Variants in AIFM1 observed in about 807,000 individuals in gnomAD.
The protein encoded by AIFM1 is apoptosis-inducing factor 1, mitochondrial.
AIFM1 carries 3 observed loss-of-function variants against 51.7 expected under a neutral mutation model. The ratio of observed to expected loss-of-function variants is 0.06; its 90% CI spans 0.03 to 0.15. The LOEUF (loss-of-function observed/expected upper bound fraction) is 0.15, where lower values mean the gene tolerates loss of function less well. AIFM1 is among the 10% of genes least tolerant of loss of function. AIFM1 has a pLI of 1.00. For missense variants in AIFM1, 330 were observed against 476.8 expected (o/e 0.69, Z 2.87); for synonymous variants, 178 against 179.4 (o/e 0.99, Z 0.06).
chrX:130,136,940 GC>G, intron 10 of AIFM1, 137 bp downstream of exon 10: 1 of 1,146,474 alleles, frequency 8.7e-7, no homozygotes, highest in Non-Finnish European at 1.2e-6. Flanking sequence ...GATGAACTTA[GC>G]TGACTGGAGA....
intron 14 of AIFM1, 149 bp from the exon 15 acceptor site, chrX:130,130,315 A>C: frequency 1.6e-6 from 1 of 643,055 alleles, no homozygotes; most frequent in African/African-American, 2.2e-5. Context: ...CCCTCAGTAA[A>C]CCCTGGCCTT....
At position 130,153,175 on chromosome X, in the gene AIFM1, A is replaced by C. The variant is rs5975173; in HGVS notation, c.249+3286T>G. On this transcript the variant is annotated intron_variant, in intron 2 of 15. Coordinates refer to ENST00000287295, the MANE Select transcript of AIFM1 (RefSeq NM_004208.4). ...CAGTGAAACCCCGTCTCTACTAAAA[A>C]TACAAAAAAAAAAAAAAAAAAAAAA... Among the ~76,000 whole-genome samples, 7 of 82,918 alleles carry C rather than the reference A, an allele frequency of 8.4e-5. No homozygotes were observed. In the East Asian group the frequency reaches 2.3e-3, roughly 27 times the overall value. 72.0% of individuals were successfully genotyped at this position (82,918 alleles called of 115,157 possible). A position where few individuals can be genotyped will look rare whatever the true frequency, so the allele number is the denominator to read the frequency against.
intron 2 of AIFM1, among the ~76,000 whole-genome samples, chrX:130,150,359 G>T (rs1270798954): frequency 1.4e-5 from 1 of 73,696 alleles, no homozygotes; most frequent in Non-Finnish European, 2.4e-5. Context: ...TTTTTGAGAC[G>T]GAGTCTCGCT....
chrX:130,136,244 CG>C, intron 11 of AIFM1, 59 bp from the exon 12 acceptor site: 1 of 1,156,669 alleles, frequency 8.6e-7, no homozygotes. Context: ...TGCCTACAGG[CG>C]TAACAATGGC....
chrX:130,149,584 T>C lies in AIFM1; in HGVS notation c.250-16A>G, dbSNP rs747132634. On this transcript the variant is annotated splice_polypyrimidine_tract_variant and intron_variant, in intron 2 of 15. Coordinates refer to ENST00000287295, the MANE Select transcript of AIFM1 (RefSeq NM_004208.4). ...TCTTGTAGGCCTGCGGATCCAAACA[T>C]GGAGAAAGTTTATTTCACCATACAG... The C allele has an allele frequency of 4.5e-6, 5 of 1,110,749 alleles. No homozygotes were observed. Among genetic ancestry groups the C allele is most frequent in the South Asian group, 1.8e-5 (1 of 54,552 alleles). 91.5% of individuals were successfully genotyped at this position (1,110,749 alleles called of 1,213,427 possible). A position where few individuals can be genotyped will look rare whatever the true frequency, so the allele number is the denominator to read the frequency against.
chrX:130,153,141 T>C (rs1268963007), intron 2 of AIFM1, among the ~76,000 whole-genome samples: 2 of 94,388 alleles, frequency 2.1e-5, no homozygotes, highest in African/African-American at 4.0e-5. Context: ...GAGACCATTC[T>C]GGCTAACACA....
chrX:130,158,704 TAAAAAAAAAA>T (rs56253125), intron 1 of AIFM1, among the ~76,000 whole-genome samples: 6 of 44,066 alleles, frequency 1.4e-4, no homozygotes, highest in East Asian at 2.0e-3. Context: ...GCTGATGAGC[TAAAAAAAAAA>T]AAAAAAAAAA....
In AIFM1 at chrX:130,145,394, T is replaced by A. The variant is rs2030715958; in HGVS notation, c.696+85A>T. On this transcript the variant is annotated intron_variant, in intron 6 of 15. Transcript: ENST00000287295. ...ATGAACTACAATGGCAGGACAGACATAAATGGTAATGGAAACACACATCAC... is the reference window on the plus strand; with the variant it reads ...ATGAACTACAATGGCAGGACAGACAAAAATGGTAATGGAAACACACATCAC... 3 of 724,377 alleles carry A rather than the reference T, an allele frequency of 4.1e-6. No individual in the cohort carries two copies. The African/African-American group carries it at 6.3e-5, about 15-fold the overall frequency. The allele number at this position is 724,377 out of a possible 1,213,427, so 59.7% of individuals were successfully genotyped here. A position where few individuals can be genotyped will look rare whatever the true frequency, so the allele number is the denominator to read the frequency against.
intron 2 of AIFM1, among the ~76,000 whole-genome samples, chrX:130,152,920 T>C (rs1408954021): frequency 8.9e-6 from 1 of 111,954 alleles, no homozygotes; most frequent in African/African-American, 3.2e-5. Flanking sequence ...AGAGTAAGTG[T>C]ATGATACCTA....
chrX:130,145,922 C>G (rs965281797), intron 5 of AIFM1, among the ~76,000 whole-genome samples: 3 of 111,701 alleles, frequency 2.7e-5, no homozygotes, highest in Non-Finnish European at 5.6e-5. Flanking sequence ...AAAGCGTTAT[C>G]CTGCTCCAAA....
chrX:130,145,639 TA>T, intron 5 of AIFM1, 70 bp from the exon 6 acceptor site: 1 of 848,650 alleles, frequency 1.2e-6, no homozygotes, highest in Non-Finnish European at 1.7e-6. Context: ...GTAGCTTTAA[TA>T]AAACTGTTTC....
intron 1 of AIFM1, among the ~76,000 whole-genome samples, chrX:130,160,548 C>T (rs887862783): frequency 1.4e-4 from 16 of 111,779 alleles, no homozygotes; most frequent in Non-Finnish European, 2.6e-4. Context: ...GAAATTCTTC[C>T]TAATTCTATT....
intron 2 of AIFM1, among the ~76,000 whole-genome samples, chrX:130,153,103 C>T (rs978564418): frequency 8.8e-5 from 9 of 101,991 alleles, no homozygotes; most frequent in African/African-American, 2.9e-4. Flanking sequence ...GAGGCCGAGG[C>T]GGGTGGATCA....
chrX:130,164,189 T>C (rs927584717), intron 1 of AIFM1, among the ~76,000 whole-genome samples: 95 of 102,802 alleles, frequency 9.2e-4, no homozygotes, highest in Non-Finnish European at 1.3e-3. Flanking sequence ...AAAAAAAAAT[T>C]CAGGTTATCT....
intron 5 of AIFM1, 77 bp downstream of exon 5, chrX:130,147,416 C>T: frequency 8.5e-7 from 1 of 1,170,159 alleles, no homozygotes; most frequent in Non-Finnish European, 1.2e-6. Context: ...TTACTGTACA[C>T]AGTCAGTGGC....
At chrX:130,151,071 T>C (rs988428428) in intron 2 of AIFM1, among the ~76,000 whole-genome samples, 4 of 108,934 alleles carry the variant, frequency 3.7e-5, no homozygotes, top group South Asian at 8.0e-4. Flanking sequence ...GGTGAACATA[T>C]GTCAAATGAA....
rs756361109 is a variant in AIFM1, at chrX:130,156,576, G to C, written c.134C>G (p.Pro45Arg). Residue 45 changes from proline to arginine, a missense_variant, in exon 2 of 16, where the codon CCT becomes CGT. Physicochemically the swap from Pro to Arg is moderately radical, Grantham distance 103. Around this residue, in one of 4 missense-constraint regions of AIFM1, gnomAD observed 110 missense variants for 103.1 expected, o/e 1.07. Coordinates refer to ENST00000287295, the MANE Select transcript of AIFM1 (RefSeq NM_004208.4). ...TTGTCTTGTCATCTGGAGTTCTAGA[G>C]GAACATGCCATCGCTGGAACAAGTT... ...PGNLFQRWHVPLELQMTRQMA... is the reference protein window; with the variant it reads ...PGNLFQRWHVRLELQMTRQMA... 3.0e-5 allele frequency: 36 copies of C among 1,209,501 alleles called. No homozygotes were observed. The highest frequency in any genetic ancestry group is 3.8e-5 in the Non-Finnish European group (34 of 895,109).
chrX:130,135,917 A>T, intron 12 of AIFM1, 128 bp downstream of exon 12: 1 of 902,141 alleles, frequency 1.1e-6, no homozygotes, highest in Non-Finnish European at 1.6e-6. Context: ...TCTATTCTGT[A>T]CCCTCAGCCT....
chrX:130,161,340 G>A lies in AIFM1; in HGVS notation c.106+4211C>T, dbSNP rs567564828. 1.0e-4 allele frequency among the ~76,000 whole-genome samples: 11 copies of A among 109,014 alleles called. No homozygotes were observed. In the South Asian group the frequency reaches 2.4e-3, roughly 24 times the overall value. 94.7% of individuals were successfully genotyped at this position (109,014 alleles called of 115,157 possible). A position where few individuals can be genotyped will look rare whatever the true frequency, so the allele number is the denominator to read the frequency against. On this transcript the variant is annotated intron_variant, in intron 1 of 15. Transcript: ENST00000287295. ...AGCCTGGCCAATACAGTGAAACCCC[G>A]TCTCCACTAAAAATACAAAAATTAG...
Sources: allele counts gnomAD v4.1 joint callset (sites outside exome capture counted in the v4.1 genomes callset), GRCh38; gene constraint gnomAD v4.1.1; regional missense constraint gnomAD v4.1.1; transcripts MANE v1.5; gene names NCBI Gene and HGNC (gene_info 2026-07-23, HGNC 2026-07-21).